Variants in CAMKK2 observed in about 807,000 individuals in gnomAD.
CAMKK2 encodes calcium/calmodulin dependent protein kinase kinase 2, also known as calcium/calmodulin-dependent protein kinase kinase 2.
In CAMKK2, 30 loss-of-function variants were observed where a neutral mutation model predicts 67.2. The ratio of observed to expected loss-of-function variants is 0.45; its 90% confidence interval spans 0.33 to 0.61. The LOEUF is 0.61. Among genes scored for constraint, CAMKK2 ranks in the 20% least tolerant of loss-of-function variants. CAMKK2 has a pLI of 0.02. For missense variants in CAMKK2, 643 were observed against 802.0 expected, an observed-to-expected ratio of 0.80 and a Z score of 2.39; for synonymous variants, 322 against 326.2, an observed-to-expected ratio of 0.99 and a Z score of 0.14.
chr12:121,282,191 C>T (rs996192031), intron 1 of CAMKK2, among the ~76,000 whole-genome samples: 7 of 151,968 alleles, frequency 4.6e-5, no homozygotes, highest in Admixed American at 3.9e-4. Context: ...GGAAAAGAGG[C>T]GGGAGAGTGG....
chr12:121,260,363 C>G lies in CAMKK2; in HGVS notation c.760-8G>C. ...ATTGGGGTCATCCAGGACCTTGGCA[C>G]AGCCACATGGAATAGGCAGGAGACG... On this transcript the variant is annotated splice_region_variant and splice_polypyrimidine_tract_variant and intron_variant, in intron 6 of 16. Coordinates refer to ENST00000404169, the MANE Select transcript of CAMKK2 (RefSeq NM_001270485.2). The G allele has an allele frequency of 6.2e-7, 1 of 1,611,278 alleles. No homozygotes were observed.
chr12:121,278,996 T>C (rs1897274562), intron 1 of CAMKK2, among the ~76,000 whole-genome samples: 1 of 151,888 alleles, frequency 6.6e-6, no homozygotes, highest in South Asian at 2.1e-4. Context: ...GCTGCAAGAG[T>C]TCCTGAGAAG....
intron 1 of CAMKK2, among the ~76,000 whole-genome samples, chr12:121,288,944 A>G (rs1899368832): frequency 6.6e-6 from 1 of 152,160 alleles, no homozygotes; most frequent in African/African-American, 2.4e-5. Context: ...TCCTTTTCAA[A>G]AGGGAAAGGA....
Position 121,296,678 on chromosome 12 carries a change from C to T in CAMKK2, c.-100G>A, listed in dbSNP as rs576339367. 2.0e-5 allele frequency: 3 copies of T among 150,444 alleles called. No homozygotes were observed. The highest frequency in any genetic ancestry group is 6.6e-5 in the Admixed American group (1 of 15,098). The allele number at this position is 150,444 out of a possible 1,614,324, so 9.3% of individuals were successfully genotyped here. On this transcript the variant is annotated 5_prime_UTR_variant, in exon 1 of 17. Transcript: ENST00000404169. The surrounding 1 kb of genome is among the most constrained non-coding windows in gnomAD (Gnocchi z 7.1). ...CCGCCGCCTCCCGCGCTCTGCGCCC[C>T]CAGCTCGGCTCGGCTCGGCTCAGCT...
At position 121,240,959 on chromosome 12, in the gene CAMKK2, C is replaced by G; in HGVS notation, c.1597-90G>C. 1 of 1,341,024 alleles carries G rather than the reference C, an allele frequency of 7.5e-7. No homozygotes were observed. Among genetic ancestry groups the G allele is most frequent in the Non-Finnish European group, 1.0e-6 (1 of 963,214 alleles). 83.1% of individuals were successfully genotyped at this position (1,341,024 alleles called of 1,614,324 possible). A position where few individuals can be genotyped will look rare whatever the true frequency, so the allele number is the denominator to read the frequency against. ...TGCTCCCACATCTGGGCCCCCTGCCCAAGTGGGCCGTCGCGCACCCCCTGG... is the reference window on the plus strand; with the variant it reads ...TGCTCCCACATCTGGGCCCCCTGCCGAAGTGGGCCGTCGCGCACCCCCTGG... On this transcript the variant is annotated intron_variant, in intron 16 of 16. Coordinates refer to ENST00000404169, the MANE Select transcript of CAMKK2 (RefSeq NM_001270485.2). This position sits in a 1 kb window ranked among gnomAD's most constrained non-coding sequence, Gnocchi z 4.4.
At chr12:121,276,834 T>A (rs375959037) in intron 1 of CAMKK2, among the ~76,000 whole-genome samples, 1 of 131,546 alleles carries the variant, frequency 7.6e-6, no homozygotes, top group Non-Finnish European at 1.5e-5. Flanking sequence ...TGCAGTGAGC[T>A]GAGGTTGCAC....
At chr12:121,268,547 A>G (rs2136379427) in intron 5 of CAMKK2, 91 bp downstream of exon 5, 2 of 1,186,710 alleles carry the variant, frequency 1.7e-6, no homozygotes, top group East Asian at 2.3e-5. Flanking sequence ...GGCATGTGGC[A>G]CCATGCCCAG....
chr12:121,255,276 AAT>A (rs1891793530), intron 9 of CAMKK2, among the ~76,000 whole-genome samples: 1 of 68,582 alleles, frequency 1.5e-5, no homozygotes, highest in African/African-American at 5.8e-5. Flanking sequence ...ATATATATAT[AAT>A]TATATATATA....
At chr12:121,276,421 G>A (rs1250549909) in intron 1 of CAMKK2, among the ~76,000 whole-genome samples, 2 of 152,112 alleles carry the variant, frequency 1.3e-5, no homozygotes, top group South Asian at 2.1e-4. Context: ...TGACTGAGCC[G>A]AGATCGCACC....
intron 1 of CAMKK2, among the ~76,000 whole-genome samples, chr12:121,291,021 C>T (rs59373781): frequency 0.11 from 16,999 of 152,076 alleles, 2,033 homozygotes; most frequent in African/African-American, 0.3. Flanking sequence ...GGTTTCACCA[C>T]GTTGGCCAGA....
intron 11 of CAMKK2, among the ~76,000 whole-genome samples, chr12:121,250,289 C>A (rs1236855461): frequency 6.6e-6 from 1 of 152,168 alleles, no homozygotes; most frequent in African/African-American, 2.4e-5. Context: ...TGCAGGCTCC[C>A]TCTGTAGCTG....
chr12:121,284,480 T>G (rs1194306581), intron 1 of CAMKK2, among the ~76,000 whole-genome samples: 2 of 152,234 alleles, frequency 1.3e-5, no homozygotes, highest in East Asian at 1.9e-4. Context: ...CACGCCACCA[T>G]GCCCAGCTAA....
At chr12:121,252,291 G>C (rs752770150) in intron 11 of CAMKK2, among the ~76,000 whole-genome samples, 17 of 152,072 alleles carry the variant, frequency 1.1e-4, no homozygotes, top group Non-Finnish European at 2.2e-4. Context: ...TTTTTGAGAC[G>C]GAGTCTCGCT....
At chr12:121,270,776 C>A in intron 3 of CAMKK2, 122 bp downstream of exon 3, 2 of 698,490 alleles carry the variant, frequency 2.9e-6, no homozygotes, top group African/African-American at 1.8e-5. Flanking sequence ...ATGACAAAAC[C>A]CTCTCCACCA....
intron 16 of CAMKK2, chr12:121,243,888 G>T: frequency 7.2e-7 from 1 of 1,384,024 alleles, no homozygotes; most frequent in Non-Finnish European, 9.4e-7. Context: ...TAGCCATGAT[G>T]TGCTCAGTGG....
Position 121,260,309 on chromosome 12 carries a change from G to C in CAMKK2, c.796+10C>G. 1.2e-6 allele frequency: 2 copies of C among 1,602,882 alleles called. No homozygotes were observed. Among genetic ancestry groups the C allele is most frequent in the Non-Finnish European group, 8.5e-7 (1 of 1,176,158 alleles). ...TGGGTGAGGGTGGCAGAAGAAAAGG[G>C]CTTCCTTACCCATGTACAGATGGTC... On this transcript the variant is annotated intron_variant, in intron 7 of 16. Transcript: ENST00000404169.
chr12:121,274,549 A>C lies in CAMKK2; in HGVS notation c.-23T>G. On this transcript the variant is annotated 5_prime_UTR_variant, in exon 2 of 17. Transcript: ENST00000404169. Reference sequence around the variant, plus strand: ...CATGGTGCATGCGCCAGCTTCATCCAGCACACTGGGGCACTCCCATCCGGC... The same window carrying C: ...CATGGTGCATGCGCCAGCTTCATCCCGCACACTGGGGCACTCCCATCCGGC... 6.4e-7 allele frequency: 1 copy of C among 1,559,148 alleles called. No individual in the cohort carries two copies. The highest frequency in any genetic ancestry group is 1.8e-4 in the Middle Eastern group (1 of 5,482).
At chr12:121,266,166 C>T (rs567729010) in intron 5 of CAMKK2, among the ~76,000 whole-genome samples, 26 of 152,310 alleles carry the variant, frequency 1.7e-4, no homozygotes, top group African/African-American at 6.3e-4. Flanking sequence ...CTCCTGGGCT[C>T]AAGTGATTTG....
intron 1 of CAMKK2, among the ~76,000 whole-genome samples, chr12:121,274,978 C>T (rs1207465640): frequency 1.3e-5 from 2 of 151,746 alleles, no homozygotes; most frequent in South Asian, 2.1e-4. Flanking sequence ...TAATTCCTAA[C>T]TCAATTCCTA....
Sources: gnomAD v4.1 joint callset for allele counts (sites outside exome capture counted in the v4.1 genomes callset) on GRCh38, gnomAD v4.1.1 for gene constraint, Gnocchi (gnomAD v3.1) non-coding constraint, MANE v1.5 for transcripts, NCBI Gene and HGNC (gene_info 2026-07-23, HGNC 2026-07-21) for gene names.